CSMD1: variants seen among roughly 807,000 people sequenced by gnomAD.
The protein encoded by CSMD1 is CUB and Sushi multiple domains 1.
Under a neutral mutation model 417.5 loss-of-function variants are expected in CSMD1, and 213 were observed. The observed-to-expected ratio is 0.51, with a 90% confidence interval of 0.46 to 0.57. The LOEUF (loss-of-function observed/expected upper bound fraction) is 0.57. Ranked by LOEUF, CSMD1 falls within the 20% of genes least tolerant of loss-of-function variation. CSMD1 has a pLI of 0.00. For missense variants in CSMD1, 6,923 were observed against 4,529.7 expected (o/e 1.53, Z -15.17); for synonymous variants, 2,862 against 1,736.8 (o/e 1.65, Z -16.11).
chr8:3,977,173 A>T (rs1813498715), intron 5 of CSMD1, among the ~76,000 whole-genome samples: 1 of 152,166 alleles, frequency 6.6e-6, no homozygotes, highest in South Asian at 2.1e-4. Flanking sequence ...GGGCTGAAGC[A>T]ATCTTTCCAT....
chr8:3,994,767 C>A (rs948225605), intron 5 of CSMD1, among the ~76,000 whole-genome samples: 1 of 152,148 alleles, frequency 6.6e-6, no homozygotes, highest in Non-Finnish European at 1.5e-5. Context: ...CCATGGCAAC[C>A]CTGACTTAAA....
intron 1 of CSMD1, among the ~76,000 whole-genome samples, chr8:4,879,034 A>G (rs1803227190): frequency 6.6e-6 from 1 of 152,026 alleles, no homozygotes; most frequent in Non-Finnish European, 1.5e-5. Context: ...GGGTTTGAGA[A>G]AAGATTTCAA....
At chr8:4,571,173 G>A (rs1351262435) in intron 2 of CSMD1, among the ~76,000 whole-genome samples, 1 of 152,024 alleles carries the variant, frequency 6.6e-6, no homozygotes, top group Non-Finnish European at 1.5e-5. Flanking sequence ...GTTATTTCTT[G>A]TCTTCTGCTA....
At chr8:3,613,445 C>G (rs893267659) in intron 8 of CSMD1, among the ~76,000 whole-genome samples, 4 of 151,832 alleles carry the variant, frequency 2.6e-5, no homozygotes, top group African/African-American at 9.7e-5. Context: ...ACAACAAAGT[C>G]TTTATAAGAA....
intron 2 of CSMD1, among the ~76,000 whole-genome samples, chr8:4,460,097 A>C (rs890662976): frequency 7.9e-5 from 12 of 152,182 alleles, no homozygotes; most frequent in African/African-American, 2.9e-4. Flanking sequence ...TCTCCACAAC[A>C]GAGCATATGC....
At chr8:3,469,364 T>C (rs1178854883) in intron 11 of CSMD1, among the ~76,000 whole-genome samples, 1 of 152,176 alleles carries the variant, frequency 6.6e-6, no homozygotes, top group Non-Finnish European at 1.5e-5. Flanking sequence ...AATTATACAT[T>C]AAGAGAATTT....
At chr8:4,602,208 C>T (rs1219994393) in intron 2 of CSMD1, among the ~76,000 whole-genome samples, 2 of 152,086 alleles carry the variant, frequency 1.3e-5, no homozygotes, top group East Asian at 1.9e-4. Flanking sequence ...ATTGCCTTTC[C>T]ACCCTATGTC....
chr8:4,475,857 C>G (rs528113971), intron 2 of CSMD1, among the ~76,000 whole-genome samples: 115 of 152,238 alleles, frequency 7.6e-4, no homozygotes, highest in African/African-American at 2.6e-3. Flanking sequence ...AGGTGATCCA[C>G]CTGCCTTACG....
At chr8:4,346,879 T>C (rs1266371938) in intron 3 of CSMD1, among the ~76,000 whole-genome samples, 1 of 149,320 alleles carries the variant, frequency 6.7e-6, no homozygotes, top group South Asian at 2.1e-4. Context: ...CATGTCATTC[T>C]GGCTGGATTG....
In CSMD1 at chr8:3,259,208, T is replaced by G. The variant is rs968673878; in HGVS notation, c.4153+24936A>C. On this transcript the variant is annotated intron_variant, in intron 26 of 69. Transcript: ENST00000635120. ...TATTCCAGGTATTAACAAAGACACC[T>G]AAATAATCTGAAAGGCGTTTTCTAA... Among the ~76,000 whole-genome samples the G allele has an allele frequency of 5.9e-5, 9 of 152,356 alleles. No individual in the cohort carries two copies. The East Asian group carries it at 9.6e-4, about 16-fold the overall frequency.
At chr8:3,390,801 C>T (rs571280065) in intron 17 of CSMD1, among the ~76,000 whole-genome samples, 22 of 152,140 alleles carry the variant, frequency 1.4e-4, no homozygotes, top group African/African-American at 5.3e-4. Flanking sequence ...CTGTATGAAT[C>T]AACAGTCTTT....
chr8:3,263,982 C>G (rs1285411107), intron 26 of CSMD1, among the ~76,000 whole-genome samples: 1 of 152,158 alleles, frequency 6.6e-6, no homozygotes, highest in Non-Finnish European at 1.5e-5. Context: ...TTTGCATCCT[C>G]ATGAAACTGA....
chr8:4,297,309 G>C (rs1191211702), intron 3 of CSMD1, among the ~76,000 whole-genome samples: 1 of 152,020 alleles, frequency 6.6e-6, no homozygotes, highest in South Asian at 2.1e-4. Context: ...ATAAGATACT[G>C]AGAGAAAACC....
chr8:4,276,332 G>T (rs1212464708), intron 3 of CSMD1, among the ~76,000 whole-genome samples: 4 of 152,196 alleles, frequency 2.6e-5, no homozygotes, highest in African/African-American at 4.8e-5. Context: ...CAGGGACATG[G>T]ATGAAACTAG....
At chr8:4,336,534 T>C (rs1055459188) in intron 3 of CSMD1, among the ~76,000 whole-genome samples, 1 of 152,162 alleles carries the variant, frequency 6.6e-6, no homozygotes, top group Non-Finnish European at 1.5e-5. Flanking sequence ...GTTCGATGAA[T>C]GTCATGCTGC....
At chr8:4,082,083 C>T (rs1206148499) in intron 3 of CSMD1, among the ~76,000 whole-genome samples, 2 of 152,002 alleles carry the variant, frequency 1.3e-5, no homozygotes, top group Non-Finnish European at 2.9e-5. Flanking sequence ...ATGAAGATTA[C>T]TGAGACTTAT....
At chr8:4,128,228 G>A (rs1802881548) in intron 3 of CSMD1, among the ~76,000 whole-genome samples, 2 of 152,038 alleles carry the variant, frequency 1.3e-5, no homozygotes, top group African/African-American at 4.8e-5. Context: ...TGAAAGGCAT[G>A]TTTCTGCATG....
chr8:4,232,967 A>T (rs1700043), intron 3 of CSMD1, among the ~76,000 whole-genome samples: 7,884 of 152,246 alleles, frequency 0.052, 248 homozygotes, highest in Middle Eastern at 0.13. Context: ...TTGGTTATTC[A>T]TAAGAAAAGG....
chr8:3,709,208 T>C (rs145464971), intron 6 of CSMD1, among the ~76,000 whole-genome samples: 21 of 152,066 alleles, frequency 1.4e-4, no homozygotes, highest in South Asian at 8.3e-4. Flanking sequence ...CTTGTGATTA[T>C]AGAATATAAA....
Sources: gnomAD v4.1 joint callset for allele counts (sites outside exome capture counted in the v4.1 genomes callset) on GRCh38, gnomAD v4.1.1 for gene constraint, MANE v1.5 for transcripts, NCBI Gene and HGNC (gene_info 2026-07-23, HGNC 2026-07-21) for gene names.